The following SKAP1 variants were observed in gnomAD, a reference collection of about 807,000 sequenced individuals.
The protein encoded by SKAP1 is src kinase-associated phosphoprotein 1.
In SKAP1, 44 loss-of-function variants were observed where a neutral mutation model predicts 58.5. The ratio of observed to expected loss-of-function variants is 0.75; its 90% CI spans 0.59 to 0.97. SKAP1 has a LOEUF of 0.97. SKAP1 is among the 50% of genes least tolerant of loss of function. The pLI is 0.00. For missense variants in SKAP1, 390 were observed against 435.2 expected (o/e 0.90, Z 0.92); for synonymous variants, 127 against 149.7 (o/e 0.85, Z 1.11).
chr17:48,288,081 G>A (rs1283246887), intron 4 of SKAP1, among the ~76,000 whole-genome samples: 3 of 152,160 alleles, frequency 2.0e-5, no homozygotes, highest in Non-Finnish European at 4.4e-5. Context: ...TTTAGTAACA[G>A]TGTTACTTAA....
intron 9 of SKAP1, among the ~76,000 whole-genome samples, chr17:48,174,869 A>T (rs2064268408): frequency 1.3e-5 from 2 of 152,196 alleles, no homozygotes; most frequent in South Asian, 4.1e-4. Flanking sequence ...TAACCTCTAA[A>T]GATTACTGTC....
At chr17:48,185,429 C>T (rs2064435874) in intron 6 of SKAP1, among the ~76,000 whole-genome samples, 1 of 151,982 alleles carries the variant, frequency 6.6e-6, no homozygotes, top group South Asian at 2.1e-4. Context: ...AGCAGAATAA[C>T]GTTGAGTATT....
At chr17:48,267,507 T>C (rs1295715385) in intron 4 of SKAP1, among the ~76,000 whole-genome samples, 1 of 152,186 alleles carries the variant, frequency 6.6e-6, no homozygotes, top group Non-Finnish European at 1.5e-5. Flanking sequence ...TTGGTACTAA[T>C]AGATACTCTA....
At position 48,322,534 on chromosome 17, in the gene SKAP1, A is replaced by G. The variant is rs145319375; in HGVS notation, c.280+23371T>C. On this transcript the variant is annotated intron_variant, in intron 4 of 12. Coordinates refer to ENST00000336915, the MANE Select transcript of SKAP1 (RefSeq NM_003726.4). ...TGATTGTTGCCATGGGTAAGACATA[A>G]TATCTCTGAGCAAGTGGCTGCTGTA... 2.1e-3 allele frequency among the ~76,000 whole-genome samples: 321 copies of G among 152,350 alleles called. 3 individuals are homozygous for G. Among genetic ancestry groups the G allele is most frequent in the Admixed American group, 6.1e-3 (94 of 15,308 alleles).
At chr17:48,261,564 TTAAATG>T (rs2065484784) in intron 4 of SKAP1, among the ~76,000 whole-genome samples, 1 of 152,110 alleles carries the variant, frequency 6.6e-6, no homozygotes, top group Non-Finnish European at 1.5e-5. Flanking sequence ...TGGTGACCTT[TTAAATG>T]TAAGCAGCAG....
intron 4 of SKAP1, among the ~76,000 whole-genome samples, chr17:48,218,017 T>C (rs968401377): frequency 6.6e-6 from 1 of 152,226 alleles, no homozygotes; most frequent in African/African-American, 2.4e-5. Flanking sequence ...ATAAACTGAT[T>C]TCATAGAGAA....
chr17:48,137,480 A>C, intron 11 of SKAP1, 143 bp from the exon 12 acceptor site: 1 of 536,358 alleles, frequency 1.9e-6, no homozygotes, highest in South Asian at 2.8e-5. Flanking sequence ...TGATGGGATT[A>C]TTAAATTTAA....
intron 3 of SKAP1, among the ~76,000 whole-genome samples, chr17:48,359,484 CAA>C (rs1017729658): frequency 1.3e-5 from 2 of 152,196 alleles, no homozygotes; most frequent in Admixed American, 1.3e-4. Flanking sequence ...TCAGAATGCA[CAA>C]AGTTTATACA....
At chr17:48,364,831 T>C (rs549217829) in intron 2 of SKAP1, among the ~76,000 whole-genome samples, 7 of 152,308 alleles carry the variant, frequency 4.6e-5, no homozygotes, top group East Asian at 3.9e-4. Context: ...TCCTATCTCC[T>C]CTATTATTTT....
chr17:48,430,233 G>T (rs578126985), upstream of SKAP1: 8 of 633,220 alleles, frequency 1.3e-5, no homozygotes, highest in Non-Finnish European at 1.4e-5. Context: ...CGCGGTCGCC[G>T]CCCGCCCAGC....
intron 2 of SKAP1, among the ~76,000 whole-genome samples, chr17:48,381,917 A>C (rs933416726): frequency 1.8e-4 from 27 of 152,222 alleles, no homozygotes; most frequent in Non-Finnish European, 1.5e-5. Flanking sequence ...ATGAAGTTGC[A>C]TTATTCACTT....
intron 4 of SKAP1, among the ~76,000 whole-genome samples, chr17:48,272,549 T>A (rs1003735838): frequency 3.9e-5 from 6 of 152,136 alleles, no homozygotes; most frequent in African/African-American, 1.4e-4. Context: ...ATCTTATTTT[T>A]AATTTTTATT....
At chr17:48,155,586 G>T (rs1032669366) in intron 11 of SKAP1, among the ~76,000 whole-genome samples, 2 of 151,910 alleles carry the variant, frequency 1.3e-5, no homozygotes, top group African/African-American at 4.8e-5. Flanking sequence ...GCCAAGCACA[G>T]TGGCTCACAC....
chr17:48,307,871 T>G (rs137987083), intron 4 of SKAP1: 96 of 152,362 alleles, frequency 6.3e-4, no homozygotes, highest in African/African-American at 2.3e-3. Flanking sequence ...TCTATTTATA[T>G]CCCTTACCAC....
intron 4 of SKAP1, among the ~76,000 whole-genome samples, chr17:48,298,122 T>A (rs981884656): frequency 6.6e-6 from 1 of 152,220 alleles, no homozygotes; most frequent in African/African-American, 2.4e-5. Flanking sequence ...TTTTAAAAGT[T>A]TCCCTTGCAG....
At chr17:48,329,661 C>T (rs1247513122) in intron 4 of SKAP1, among the ~76,000 whole-genome samples, 1 of 152,096 alleles carries the variant, frequency 6.6e-6, no homozygotes, top group Non-Finnish European at 1.5e-5. Context: ...GAGCCGAGAT[C>T]GGGCCATTGC....
intron 4 of SKAP1, among the ~76,000 whole-genome samples, chr17:48,340,387 T>A (rs2066635501): frequency 6.6e-6 from 1 of 151,924 alleles, no homozygotes; most frequent in Non-Finnish European, 1.5e-5. Flanking sequence ...AATGAATATA[T>A]CTACAATTGT....
At chr17:48,353,278 A>G (rs2066827205) in intron 3 of SKAP1, among the ~76,000 whole-genome samples, 1 of 152,174 alleles carries the variant, frequency 6.6e-6, no homozygotes, top group Non-Finnish European at 1.5e-5. Context: ...TCTGTTGGAT[A>G]CTTAAATATA....
At chr17:48,432,005 G>C (rs780820349), upstream of SKAP1, among the ~76,000 whole-genome samples, 1 of 152,200 alleles carries the variant, frequency 6.6e-6, no homozygotes, top group Non-Finnish European at 1.5e-5. Flanking sequence ...CTGAAAAGCA[G>C]TGGTGCATTG....
Sources: allele counts gnomAD v4.1 joint callset (sites outside exome capture counted in the v4.1 genomes callset), GRCh38; gene constraint gnomAD v4.1.1; transcripts MANE v1.5; gene names NCBI Gene and HGNC (gene_info 2026-07-23, HGNC 2026-07-21).